LRBA: variants seen among roughly 807,000 people sequenced by gnomAD.
LRBA encodes lipopolysaccharide-responsive and beige-like anchor protein.
LRBA carries 176 observed loss-of-function variants against 330.0 expected under a neutral mutation model. That is an observed-to-expected ratio of 0.53 (90% CI 0.47 to 0.60). The LOEUF (loss-of-function observed/expected upper bound fraction) is 0.60. LRBA is among the 20% of genes least tolerant of loss of function. The pLI, the probability that LRBA is intolerant of heterozygous loss-of-function variation, is 0.00. For synonymous variants in LRBA, 1,230 were observed against 1,193.0 expected (o/e 1.03, Z -0.64); for missense variants, 3,259 against 3,444.8 (o/e 0.95, Z 1.35).
chr4:150,402,770 T>C (rs528803053), intron 47 of LRBA, among the ~76,000 whole-genome samples: 195 of 152,004 alleles, frequency 1.3e-3, no homozygotes, highest in African/African-American at 4.6e-3. Context: ...TTCTAAAATA[T>C]AGAATTATCT....
chr4:150,848,815 C>T lies in LRBA; in HGVS notation c.4339+3G>A. ...AAATTCCCAACGGTTTTTAGCAGCT[C>T]ACCTAGTCGGAGACACTGCCGCAAA... On this transcript the variant is annotated splice_donor_region_variant and intron_variant, in intron 26 of 56. Transcript: ENST00000651943. The T allele has an allele frequency of 6.3e-7, 1 of 1,589,356 alleles. No individual in the cohort carries two copies. The highest frequency in any genetic ancestry group is 1.9e-5 in the Admixed American group (1 of 53,758).
rs118134346 is a variant in LRBA at position 150,816,433 on chromosome 4, C to G, written c.5305+691G>C. Among the ~76,000 whole-genome samples, 796 of 151,980 alleles carry G rather than the reference C, an allele frequency of 5.2e-3. 29 individuals are homozygous for G. Among genetic ancestry groups the G allele is most frequent in the Admixed American group, 0.038 (576 of 15,204 alleles). ...ATTCTTCACATTATTCAAGTTTACC[C>G]AGTATCACCATTAAGCTTCCCATCA... On this transcript the variant is annotated intron_variant, in intron 31 of 56. Transcript: ENST00000651943.
chr4:150,602,541 A>C (rs76227279), intron 37 of LRBA, among the ~76,000 whole-genome samples: 1 of 152,136 alleles, frequency 6.6e-6, no homozygotes, highest in Admixed American at 6.6e-5. Flanking sequence ...GCTCCCTCCA[A>C]CAACACATAC....
At chr4:150,874,987 C>T (rs1006367369) in intron 17 of LRBA, among the ~76,000 whole-genome samples, 5 of 152,140 alleles carry the variant, frequency 3.3e-5, no homozygotes, top group Non-Finnish European at 7.4e-5. Flanking sequence ...TTCAGAGCAG[C>T]TGCTTGGCTA....
chr4:150,671,000 ATG>A (rs57937053), intron 37 of LRBA, among the ~76,000 whole-genome samples: 1,357 of 106,868 alleles, frequency 0.013, 11 homozygotes, highest in East Asian at 0.037. Context: ...AACATAGCTG[ATG>A]TGTGTGTGTG....
At chr4:150,559,711 T>A (rs1176295986) in intron 40 of LRBA, among the ~76,000 whole-genome samples, 2 of 90,448 alleles carry the variant, frequency 2.2e-5, no homozygotes, top group Non-Finnish European at 4.0e-5. Context: ...TATTATATAA[T>A]ATTATAGATT....
chr4:150,700,885 G>A (rs1224381959), intron 36 of LRBA, among the ~76,000 whole-genome samples: 1 of 151,606 alleles, frequency 6.6e-6, no homozygotes, highest in Non-Finnish European at 1.5e-5. Flanking sequence ...AGCTTTCTGA[G>A]TAGCTAGGAC....
At chr4:150,339,665 T>C (rs1009388947) in intron 48 of LRBA, among the ~76,000 whole-genome samples, 4 of 152,150 alleles carry the variant, frequency 2.6e-5, no homozygotes, top group Non-Finnish European at 4.4e-5. Flanking sequence ...CATGCATTTG[T>C]ATTTTATATG....
intron 40 of LRBA, among the ~76,000 whole-genome samples, chr4:150,561,205 T>C (rs1241893218): frequency 1.3e-5 from 2 of 152,146 alleles, no homozygotes; most frequent in East Asian, 3.8e-4. Flanking sequence ...CAAAACTGTG[T>C]TATTCTAAAA....
intron 40 of LRBA, chr4:150,584,295 C>T: frequency 1.8e-6 from 1 of 541,096 alleles, no homozygotes; most frequent in Non-Finnish European, 3.0e-6. Context: ...AAACAAATCA[C>T]ATTCTTGCAC....
chr4:150,708,462 G>A (rs1009283349), intron 36 of LRBA, among the ~76,000 whole-genome samples: 2 of 151,642 alleles, frequency 1.3e-5, no homozygotes, highest in Non-Finnish European at 3.0e-5. Context: ...TATAAAGTCG[G>A]GCTGAAATGG....
chr4:150,310,605 A>T, intron 51 of LRBA: 1 of 450,730 alleles, frequency 2.2e-6, no homozygotes, highest in Non-Finnish European at 3.9e-6. Context: ...GGAAAGAAAG[A>T]ATAACACACT....
intron 5 of LRBA, among the ~76,000 whole-genome samples, chr4:150,917,231 T>TA (rs1445751642): frequency 6.6e-6 from 1 of 152,054 alleles, no homozygotes; most frequent in Admixed American, 6.5e-5. Context: ...AGACTTTTAG[T>TA]AACTTTTTAA....
chr4:150,561,256 A>G (rs115700251), intron 40 of LRBA, among the ~76,000 whole-genome samples: 259 of 152,294 alleles, frequency 1.7e-3, no homozygotes, highest in African/African-American at 6.1e-3. Flanking sequence ...CTTTTTCTAA[A>G]TAACTGAAGG....
chr4:150,951,413 C>T (rs1469299455), intron 2 of LRBA, among the ~76,000 whole-genome samples: 1 of 151,750 alleles, frequency 6.6e-6, no homozygotes, highest in African/African-American at 2.4e-5. Context: ...CCTATACTAA[C>T]CTGAAATAAA....
At chr4:150,308,546 T>C (rs1335298498) in intron 52 of LRBA, among the ~76,000 whole-genome samples, 1 of 152,184 alleles carries the variant, frequency 6.6e-6, no homozygotes, top group African/African-American at 2.4e-5. Context: ...GATTCTAAAA[T>C]AGGCACAGGC....
At chr4:150,943,446 T>A (rs147148533) in intron 2 of LRBA, among the ~76,000 whole-genome samples, 12 of 152,296 alleles carry the variant, frequency 7.9e-5, no homozygotes, top group African/African-American at 2.9e-4. Flanking sequence ...TCAAAAAACA[T>A]TTGATGATGT....
intron 40 of LRBA, among the ~76,000 whole-genome samples, chr4:150,559,545 G>GATAAATATATATATTTATATAAATAT (rs1561350292): frequency 1.6e-5 from 2 of 123,286 alleles, no homozygotes; most frequent in East Asian, 2.2e-4. Context: ...TTATATATAA[G>GATAAATATATATATTTATATAAATAT]ATAAATATAT....
At position 150,579,758 on chromosome 4, in the gene LRBA, C is replaced by T. The variant is rs192077870; in HGVS notation, c.6330+8290G>A. The T allele has an allele frequency of 2.7e-4, 123 of 455,172 alleles. 1 individual carries two copies. Among genetic ancestry groups the T allele is most frequent in the African/African-American group, 2.3e-3 (115 of 50,138 alleles). 28.2% of individuals were successfully genotyped at this position (455,172 alleles called of 1,614,324 possible). A position where few individuals can be genotyped will look rare whatever the true frequency, so the allele number is the denominator to read the frequency against. On this transcript the variant is annotated intron_variant, in intron 40 of 56. Transcript: ENST00000651943. ...AGAAGAGGAGAAGGCGCAGGACTTG[C>T]GGCGCGGCGGCGGAGCCATGCGAAC...
Sources: gnomAD v4.1 joint callset for allele counts (sites outside exome capture counted in the v4.1 genomes callset) on GRCh38, gnomAD v4.1.1 for gene constraint, MANE v1.5 for transcripts, NCBI Gene and HGNC (gene_info 2026-07-23, HGNC 2026-07-21) for gene names.